Variants in TRIM13 observed in about 807,000 individuals in gnomAD.
TRIM13 encodes E3 ubiquitin-protein ligase TRIM13.
Under a neutral mutation model 27.1 loss-of-function variants are expected in TRIM13, and 15 were observed. That is an observed-to-expected ratio of 0.55 (90% CI 0.37 to 0.85). The LOEUF is 0.85. TRIM13 is among the 40% of genes least tolerant of loss of function. TRIM13 has a pLI of 0.00. For missense variants in TRIM13, 402 were observed against 472.2 expected (o/e 0.85, Z 1.38); for synonymous variants, 193 against 171.5 (o/e 1.13, Z -0.98).
chr13:50,002,708 G>T (rs1286478058), intron 1 of TRIM13, among the ~76,000 whole-genome samples: 1 of 151,378 alleles, frequency 6.6e-6, no homozygotes, highest in Non-Finnish European at 1.5e-5. Flanking sequence ...TGTCATCTAG[G>T]CTGGAGTGCA....
Position 50,014,743 on chromosome 13 carries a change from GAT to G in TRIM13, c.*1582_*1583del, listed in dbSNP as rs1035466518. Reference sequence around the variant, plus strand: ...CTGCCTTATTTGTGTCATAGAGTAAGATATTCCTTGAAAGCCCATTAAGTGGA... The same window carrying G: ...CTGCCTTATTTGTGTCATAGAGTAAGATTCCTTGAAAGCCCATTAAGTGGA... On this transcript the variant is annotated 3_prime_UTR_variant, in exon 2 of 2. Coordinates refer to ENST00000378182, the MANE Select transcript of TRIM13 (RefSeq NM_213590.3). The G allele has an allele frequency of 6.0e-6, 1 of 166,696 alleles. No homozygotes were observed. The highest frequency in any genetic ancestry group is 6.6e-5 in the Admixed American group (1 of 15,230). 10.3% of individuals were successfully genotyped at this position (166,696 alleles called of 1,614,324 possible).
At chr13:49,998,100 T>C (rs1873466216) in intron 1 of TRIM13, among the ~76,000 whole-genome samples, 1 of 152,222 alleles carries the variant, frequency 6.6e-6, no homozygotes, top group Admixed American at 6.5e-5. Flanking sequence ...TTGAGTTTTC[T>C]AGAGACCTTT....
rs548318354 is a variant in TRIM13 at position 50,013,353 on chromosome 13, CT to C, written c.*196del. 642 of 513,632 alleles carry C rather than the reference CT, an allele frequency of 1.2e-3. 3 individuals carry two copies. Among genetic ancestry groups the C allele is most frequent in the African/African-American group, 0.012 (592 of 50,052 alleles). The allele number at this position is 513,632 out of a possible 1,614,324, so 31.8% of individuals were successfully genotyped here. A position where few individuals can be genotyped will look rare whatever the true frequency, so the allele number is the denominator to read the frequency against. ...GAAATTTAGTAGTATAGGCCTGAAC[CT>C]TTTTTTGTTTAAAAGAGTGCTTTTG... is the stretch of plus-strand genomic sequence containing the variant. On this transcript the variant is annotated 3_prime_UTR_variant, in exon 2 of 2. Transcript: ENST00000378182.
In TRIM13 at chr13:50,018,081, TCTC is replaced by T. The variant is rs1000981201; in HGVS notation, c.*4920_*4922del. 2 of 167,082 alleles carry T rather than the reference TCTC, an allele frequency of 1.2e-5. No homozygotes were observed. Among genetic ancestry groups the T allele is most frequent in the African/African-American group, 2.4e-5 (1 of 41,464 alleles). 10.3% of individuals were successfully genotyped at this position (167,082 alleles called of 1,614,324 possible). On this transcript the variant is annotated 3_prime_UTR_variant, in exon 2 of 2. Transcript: ENST00000378182. ...AGGATTCTAAAGTCTTTATTTGACT[TCTC>T]CTTTTTGAACTGGCTCAAATGGAAA...
rs939255981 is a variant in TRIM13 at position 50,015,215 on chromosome 13, C to G, written c.*2051C>G. The G allele has an allele frequency of 7.9e-5, 17 of 214,266 alleles. No individual in the cohort carries two copies. Among genetic ancestry groups the G allele is most frequent in the Admixed American group, 4.9e-4 (8 of 16,254 alleles). 13.3% of individuals were successfully genotyped at this position (214,266 alleles called of 1,614,324 possible). ...GACAGGAAAGGGATCTATTTGATGT[C>G]TATCTTCAGATATATTGGCAGTTTT... On this transcript the variant is annotated 3_prime_UTR_variant, in exon 2 of 2. Transcript: ENST00000378182.
Position 50,014,722 on chromosome 13 carries a change from CTTAT to C in TRIM13, c.*1561_*1564del, listed in dbSNP as rs1349425520. On this transcript the variant is annotated 3_prime_UTR_variant, in exon 2 of 2. Coordinates refer to ENST00000378182, the MANE Select transcript of TRIM13 (RefSeq NM_213590.3). Reference sequence around the variant, plus strand: ...ACCTTATAACTGCTCTCTAGTCTGCCTTATTTGTGTCATAGAGTAAGATATTCCT... The same window carrying C: ...ACCTTATAACTGCTCTCTAGTCTGCCTTGTGTCATAGAGTAAGATATTCCT... 6.0e-6 allele frequency: 1 copy of C among 166,684 alleles called. No individual in the cohort carries two copies. The highest frequency in any genetic ancestry group is 1.9e-4 in the East Asian group (1 of 5,176). The allele number at this position is 166,684 out of a possible 1,614,324, so 10.3% of individuals were successfully genotyped here. A position where few individuals can be genotyped will look rare whatever the true frequency, so the allele number is the denominator to read the frequency against.
chr13:50,005,821 G>T (rs1051490524), intron 1 of TRIM13, among the ~76,000 whole-genome samples: 1 of 149,704 alleles, frequency 6.7e-6, no homozygotes, highest in Non-Finnish European at 1.5e-5. Flanking sequence ...GGGTTCAAGC[G>T]ATTCTCCTGC....
chr13:49,998,676 C>T (rs976911352), intron 1 of TRIM13, among the ~76,000 whole-genome samples: 3 of 151,712 alleles, frequency 2.0e-5, no homozygotes, highest in African/African-American at 7.3e-5. Flanking sequence ...CAGCTCCTGG[C>T]CGGTGACTTT....
At chr13:49,999,132 G>GA (rs1297213956) in intron 1 of TRIM13, among the ~76,000 whole-genome samples, 2 of 69,164 alleles carry the variant, frequency 2.9e-5, no homozygotes, top group Non-Finnish European at 9.7e-5. Context: ...CCTTTTCCTT[G>GA]TCACCCTATG....
At position 50,015,903 on chromosome 13, in the gene TRIM13, CAG is replaced by C. The variant is rs1555325593; in HGVS notation, c.*2740_*2741del. The stretch of plus-strand genomic sequence containing the variant: ...TGCAGCAAAACAATTGAGATGCTAA[CAG>C]GGAGGATTACAGTGTTTACAGAACA... On this transcript the variant is annotated 3_prime_UTR_variant, in exon 2 of 2. Coordinates refer to ENST00000378182, the MANE Select transcript of TRIM13 (RefSeq NM_213590.3). 9.9e-6 allele frequency: 16 copies of C among 1,614,114 alleles called. No individual in the cohort carries two copies. The highest frequency in any genetic ancestry group is 1.6e-4 in the Middle Eastern group (1 of 6,062).
chr13:49,998,156 CCTT>C lies in TRIM13; in HGVS notation c.-7+396_-7+398del, dbSNP rs139433536. On this transcript the variant is annotated intron_variant, in intron 1 of 1. Coordinates refer to ENST00000378182, the MANE Select transcript of TRIM13 (RefSeq NM_213590.3). ...GCAGAATTTCATTTACATAGGCACTCCTTCTAGTAGAACTTGATGGAGCTGTTA... is the reference window on the plus strand; with the variant it reads ...GCAGAATTTCATTTACATAGGCACTCCTAGTAGAACTTGATGGAGCTGTTA... 7.9e-3 allele frequency among the ~76,000 whole-genome samples: 1,208 copies of C among 152,274 alleles called. 10 individuals are homozygous for C. The highest frequency in any genetic ancestry group is 0.026 in the African/African-American group (1,100 of 41,546).
chr13:50,014,344 A>AAAAAAAAAAAATAT lies in TRIM13; in HGVS notation c.*1181_*1182insAAAAAAAAAATATA, dbSNP rs1555325057. The AAAAAAAAAAAATAT allele has an allele frequency of 2.5e-4, 5 of 19,730 alleles. No homozygotes were observed. The highest frequency in any genetic ancestry group is 3.3e-4 in the Non-Finnish European group (4 of 12,102). The allele number at this position is 19,730 out of a possible 1,614,324, so 1.2% of individuals were successfully genotyped here. ...AAAAAAAAAAAAAAAAAAAAAAAAA[A>AAAAAAAAAAAATAT]ATATATATATATATATACACACACA... On this transcript the variant is annotated 3_prime_UTR_variant, in exon 2 of 2. Coordinates refer to ENST00000378182, the MANE Select transcript of TRIM13 (RefSeq NM_213590.3).
intron 1 of TRIM13, among the ~76,000 whole-genome samples, chr13:50,001,684 A>G (rs1874063463): frequency 1.3e-5 from 2 of 152,096 alleles, no homozygotes; most frequent in South Asian, 4.1e-4. Flanking sequence ...TATGTAATAT[A>G]TTAATTTTCA....
intron 1 of TRIM13, among the ~76,000 whole-genome samples, chr13:50,007,014 C>T (rs1377940435): frequency 6.6e-6 from 1 of 151,408 alleles, no homozygotes; most frequent in Non-Finnish European, 1.5e-5. Context: ...AACCCTGTCT[C>T]CAGCAAAAAA....
Position 50,001,942 on chromosome 13 carries a change from C to T in TRIM13, c.-7+4179C>T, listed in dbSNP as rs1460290937. ...AACTTTGTAAATACTTTTCATATACCTTTTAAAATAGCTATACAAATGAGG... is the reference window on the plus strand; with the variant it reads ...AACTTTGTAAATACTTTTCATATACTTTTTAAAATAGCTATACAAATGAGG... On this transcript the variant is annotated intron_variant, in intron 1 of 1. Coordinates refer to ENST00000378182, the MANE Select transcript of TRIM13 (RefSeq NM_213590.3). Among the ~76,000 whole-genome samples the T allele has an allele frequency of 2.8e-4, 43 of 151,912 alleles. 1 individual carries two copies. Among genetic ancestry groups the T allele is most frequent in the Admixed American group, 2.8e-3 (43 of 15,238 alleles).
chr13:50,001,751 A>G (rs536305855), intron 1 of TRIM13, among the ~76,000 whole-genome samples: 4 of 152,244 alleles, frequency 2.6e-5, no homozygotes, highest in African/African-American at 9.6e-5. Flanking sequence ...GATCATATAT[A>G]TGCCAGAGGT....
At chr13:50,002,622 C>T (rs1874182314) in intron 1 of TRIM13, among the ~76,000 whole-genome samples, 1 of 151,338 alleles carries the variant, frequency 6.6e-6, no homozygotes, top group Admixed American at 6.6e-5. Context: ...TTAATTAGAC[C>T]CTTACTTAGT....
intron 1 of TRIM13, among the ~76,000 whole-genome samples, chr13:50,002,260 G>C (rs1874133075): frequency 6.6e-6 from 1 of 152,046 alleles, no homozygotes; most frequent in African/African-American, 2.4e-5. Flanking sequence ...GTGGTGGCAG[G>C]CACCTGTAAT....
In TRIM13 at chr13:49,997,490, G is replaced by A. The variant is rs1873372950; in HGVS notation, c.-280G>A. ...CCAGCGTTTGGTTGCATGGCGCCGG[G>A]GGAGGGCGCCCTAACCGAGAAGCTG... On this transcript the variant is annotated 5_prime_UTR_variant, in exon 1 of 2. Transcript: ENST00000378182. The A allele has an allele frequency of 2.6e-5, 4 of 152,214 alleles. No homozygotes were observed. Among genetic ancestry groups the A allele is most frequent in the Admixed American group, 2.6e-4 (4 of 15,276 alleles). The allele number at this position is 152,214 out of a possible 1,614,324, so 9.4% of individuals were successfully genotyped here.
Sources: allele counts gnomAD v4.1 joint callset (sites outside exome capture counted in the v4.1 genomes callset), GRCh38; gene constraint gnomAD v4.1.1; transcripts MANE v1.5; gene names NCBI Gene and HGNC (gene_info 2026-07-23, HGNC 2026-07-21).